Variants in SKAP1 observed in about 807,000 individuals in gnomAD.
The protein encoded by SKAP1 is src kinase-associated phosphoprotein 1.
SKAP1 carries 44 observed loss-of-function variants against 58.5 expected under a neutral mutation model. The ratio of observed to expected loss-of-function variants is 0.75; its 90% confidence interval spans 0.59 to 0.97. The LOEUF is 0.97. Ranked by LOEUF, SKAP1 falls within the 50% of genes least tolerant of loss-of-function variation. SKAP1 has a pLI of 0.00. For synonymous variants in SKAP1, 127 were observed against 149.7 expected, an observed-to-expected ratio of 0.85 and a Z score of 1.11; for missense variants, 390 against 435.2, an observed-to-expected ratio of 0.90 and a Z score of 0.92.
intron 4 of SKAP1, among the ~76,000 whole-genome samples, chr17:48,287,742 T>C (rs2065849201): frequency 6.6e-6 from 1 of 152,210 alleles, no homozygotes. Context: ...TTCATTAGCT[T>C]ATCAGTCAAA....
chr17:48,333,475 T>G (rs2066530330), intron 4 of SKAP1, among the ~76,000 whole-genome samples: 2 of 152,126 alleles, frequency 1.3e-5, no homozygotes, highest in South Asian at 2.1e-4. Context: ...TGATAGGAAC[T>G]TTTCCACCAT....
chr17:48,385,614 AGGGG>A (rs1473008118), intron 2 of SKAP1, among the ~76,000 whole-genome samples: 1 of 152,166 alleles, frequency 6.6e-6, no homozygotes, highest in African/African-American at 2.4e-5. Flanking sequence ...AAACTTTAAA[AGGGG>A]AGAGGTCTGA....
At chr17:48,204,220 G>C (rs1268189874) in intron 4 of SKAP1, 2 of 151,450 alleles carry the variant, frequency 1.3e-5, no homozygotes, top group African/African-American at 4.9e-5. Flanking sequence ...TCAGCCTCCT[G>C]AGTAGCTGTG....
Position 48,345,905 on chromosome 17 carries a change from C to G in SKAP1, c.280G>C (p.Gly94Arg). ...APFLSDYQDE[G>R]MEDIVKGAQE... Reference sequence around the variant, plus strand: ...CAAAATCCAGAAGGATAACACTCACCCTCATCCTGATAATCTGACAAAAAG... The same window carrying G: ...CAAAATCCAGAAGGATAACACTCACGCTCATCCTGATAATCTGACAAAAAG... Residue 94 changes from glycine (G) to arginine (R), a missense_variant and splice_region_variant, in exon 4 of 13, where the codon GGA becomes CGA. Transcript: ENST00000336915. The G allele has an allele frequency of 1.2e-6, 2 of 1,603,676 alleles. No individual in the cohort carries two copies. Among genetic ancestry groups the G allele is most frequent in the Non-Finnish European group, 1.7e-6 (2 of 1,170,942 alleles).
intron 4 of SKAP1, among the ~76,000 whole-genome samples, chr17:48,215,694 C>T (rs2064931464): frequency 6.6e-6 from 1 of 151,984 alleles, no homozygotes; most frequent in Non-Finnish European, 1.5e-5. Context: ...GATACCAAGT[C>T]CAGGCTCGAG....
chr17:48,430,126 T>TGGGCGGGAGAG lies in SKAP1; in HGVS notation c.-17_-7dup. 4.0e-6 allele frequency: 5 copies of TGGGCGGGAGAG among 1,253,054 alleles called. No individual in the cohort carries two copies. Among genetic ancestry groups the TGGGCGGGAGAG allele is most frequent in the Non-Finnish European group, 5.0e-6 (5 of 990,696 alleles). The allele number at this position is 1,253,054 out of a possible 1,614,324, so 77.6% of individuals were successfully genotyped here. On this transcript the variant is annotated 5_prime_UTR_variant, in exon 1 of 13. Coordinates refer to ENST00000336915, the MANE Select transcript of SKAP1 (RefSeq NM_003726.4). ...GGGAGGGCGGCGGCCTGCATTTGGC[T>TGGGCGGGAGAG]GGGCGGGAGAGAGGCGGGACGGGGC...
rs796828331 is a variant in SKAP1, at chr17:48,162,798, G to A, written c.878-229C>T. ...TACAGATCACTCCTAGTAGGATGCC[G>A]TTCAACAATATGATAAATATATTTA... On this transcript the variant is annotated intron_variant, in intron 10 of 12. Transcript: ENST00000336915. 1.2e-4 allele frequency: 41 copies of A among 333,500 alleles called. 1 individual carries two copies. Among genetic ancestry groups the A allele is most frequent in the African/African-American group, 5.9e-4 (28 of 47,078 alleles). 20.7% of individuals were successfully genotyped at this position (333,500 alleles called of 1,614,324 possible). A position where few individuals can be genotyped will look rare whatever the true frequency, so the allele number is the denominator to read the frequency against.
chr17:48,360,801 T>C (rs2066925893), intron 3 of SKAP1, among the ~76,000 whole-genome samples: 1 of 152,100 alleles, frequency 6.6e-6, no homozygotes, highest in East Asian at 1.9e-4. Flanking sequence ...GGTGGAAATG[T>C]GAGAGAAAGA....
intron 4 of SKAP1, among the ~76,000 whole-genome samples, chr17:48,342,179 A>G (rs1472116966): frequency 1.3e-5 from 2 of 152,088 alleles, no homozygotes; most frequent in Non-Finnish European, 2.9e-5. Context: ...TTCCTTCCAT[A>G]TGGTAAAAAC....
At chr17:48,315,780 T>C (rs150278678) in intron 4 of SKAP1, among the ~76,000 whole-genome samples, 3,250 of 152,290 alleles carry the variant, frequency 0.021, 135 homozygotes, top group Admixed American at 0.11. Context: ...ACACAAACTT[T>C]GTTTTATGTA....
chr17:48,342,810 C>G lies in SKAP1; in HGVS notation c.280+3095G>C, dbSNP rs1019890386. On this transcript the variant is annotated intron_variant, in intron 4 of 12. Transcript: ENST00000336915. ...ACCATCCTGGCTAACACGGTGAAAC[C>G]CCGTCTCTACTAAAAATACAAAAAA... 2.0e-5 allele frequency among the ~76,000 whole-genome samples: 3 copies of G among 152,016 alleles called. No individual in the cohort carries two copies. In the East Asian group the frequency reaches 5.8e-4, roughly 29 times the overall value.
chr17:48,244,216 A>G (rs2065271222), intron 4 of SKAP1, among the ~76,000 whole-genome samples: 1 of 152,164 alleles, frequency 6.6e-6, no homozygotes, highest in Admixed American at 6.5e-5. Flanking sequence ...GTCAACTCCA[A>G]TGAAGCCTTT....
chr17:48,157,382 C>T (rs1356956336), intron 11 of SKAP1, among the ~76,000 whole-genome samples: 2 of 151,490 alleles, frequency 1.3e-5, no homozygotes, highest in Non-Finnish European at 2.9e-5. Context: ...ATTACAGGTA[C>T]CTGCCACCAC....
chr17:48,200,170 AC>A (rs1238927841), intron 4 of SKAP1, among the ~76,000 whole-genome samples: 6 of 151,568 alleles, frequency 4.0e-5, no homozygotes, highest in Non-Finnish European at 7.4e-5. Flanking sequence ...GGTGGCGCAC[AC>A]CTGTAATCCC....
At chr17:48,146,468 G>A (rs1237964455) in intron 11 of SKAP1, among the ~76,000 whole-genome samples, 3 of 147,472 alleles carry the variant, frequency 2.0e-5, no homozygotes, top group African/African-American at 4.9e-5. Context: ...ACTCCAGCCT[G>A]GGCAACAGAG....
intron 11 of SKAP1, among the ~76,000 whole-genome samples, chr17:48,157,304 C>T (rs1460626053): frequency 2.0e-5 from 3 of 151,654 alleles, no homozygotes; most frequent in African/African-American, 4.8e-5. Context: ...GGCGTAATCT[C>T]GGCTCACTGC....
chr17:48,345,971 G>T lies in SKAP1; in HGVS notation c.214C>A (p.His72Asn), dbSNP rs2066716604. 3 of 1,613,462 alleles carry T rather than the reference G, an allele frequency of 1.9e-6. No individual in the cohort carries two copies. The highest frequency in any genetic ancestry group is 2.5e-6 in the Non-Finnish European group (3 of 1,179,692). Residue 72 changes from histidine to asparagine, a missense_variant, in exon 4 of 13, where the codon CAC becomes AAC. Physicochemically the swap from His to Asn is moderately conservative, Grantham distance 68. Transcript: ENST00000336915. ...DIGQDSSDDN[H>N]SGTLGLSLTS... ...AGGGACAGGCCAAGAGTCCCGCTGTGATTATCATCAGAGCTGTCCTGTCCA... is the reference window on the plus strand; with the variant it reads ...AGGGACAGGCCAAGAGTCCCGCTGTTATTATCATCAGAGCTGTCCTGTCCA...
intron 3 of SKAP1, among the ~76,000 whole-genome samples, chr17:48,353,908 A>G (rs1243674464): frequency 1.3e-5 from 2 of 150,234 alleles, no homozygotes; most frequent in Non-Finnish European, 3.0e-5. Context: ...AAAAAAAAAA[A>G]AAAAGAAAAG....
intron 1 of SKAP1, among the ~76,000 whole-genome samples, chr17:48,412,807 T>C (rs771914370): frequency 5.3e-5 from 8 of 152,200 alleles, no homozygotes; most frequent in African/African-American, 7.2e-5. Context: ...CCCCCAATGA[T>C]GTCACTAAGG....
Sources: allele counts gnomAD v4.1 joint callset (sites outside exome capture counted in the v4.1 genomes callset), GRCh38; gene constraint gnomAD v4.1.1; transcripts MANE v1.5; gene names NCBI Gene and HGNC (gene_info 2026-07-23, HGNC 2026-07-21).